The following EAF2 variants were observed in gnomAD, a reference collection of about 807,000 sequenced individuals.
EAF2 encodes ELL associated factor 2, also known as ELL-associated factor 2.
In EAF2, 29 loss-of-function variants were observed where a neutral mutation model predicts 29.4. That is an observed-to-expected ratio of 0.99 (90% confidence interval 0.73 to 1.35). EAF2 has a LOEUF of 1.35. Ranked by LOEUF, EAF2 falls within the 40% of genes most tolerant of loss-of-function variation. The pLI, the probability that EAF2 is intolerant of heterozygous loss-of-function variation, is 0.00. For synonymous variants in EAF2, 103 were observed against 102.5 expected, an observed-to-expected ratio of 1.00 and a Z score of -0.03; for missense variants, 292 against 312.0, an observed-to-expected ratio of 0.94 and a Z score of 0.48.
At chr3:121,879,044 T>C (rs1387325344) in intron 5 of EAF2, among the ~76,000 whole-genome samples, 1 of 152,200 alleles carries the variant, frequency 6.6e-6, no homozygotes, top group Non-Finnish European at 1.5e-5. Flanking sequence ...ATTTTTGTCT[T>C]TTCAATAATA....
At chr3:121,850,883 T>C (rs1708620689) in intron 2 of EAF2, among the ~76,000 whole-genome samples, 1 of 151,796 alleles carries the variant, frequency 6.6e-6, no homozygotes, top group Admixed American at 6.6e-5. Context: ...GCATTTTTAG[T>C]AGAGTTGGGG....
intron 4 of EAF2, among the ~76,000 whole-genome samples, chr3:121,871,292 AG>A (rs145392808): frequency 2.1e-3 from 325 of 151,236 alleles, no homozygotes; most frequent in African/African-American, 7.5e-3. Context: ...GTACATGCTG[AG>A]TGAATCTATT....
At chr3:121,878,057 A>G (rs1187929694) in intron 5 of EAF2, among the ~76,000 whole-genome samples, 2 of 152,196 alleles carry the variant, frequency 1.3e-5, no homozygotes, top group Non-Finnish European at 2.9e-5. Flanking sequence ...TAAAGCAGAG[A>G]AAGAAAATAA....
chr3:121,840,517 A>C (rs1476411081), intron 1 of EAF2, among the ~76,000 whole-genome samples: 4 of 126,274 alleles, frequency 3.2e-5, no homozygotes, highest in African/African-American at 1.2e-4. Context: ...AAGAAAAAAA[A>C]AAAACGGGCC....
intron 3 of EAF2, among the ~76,000 whole-genome samples, chr3:121,856,185 T>G (rs574552690): frequency 8.5e-5 from 13 of 152,268 alleles, no homozygotes; most frequent in African/African-American, 3.1e-4. Context: ...GAATGGAAAC[T>G]TTAGAAGTGA....
chr3:121,838,447 G>A (rs906919040), intron 1 of EAF2, among the ~76,000 whole-genome samples: 10 of 152,088 alleles, frequency 6.6e-5, no homozygotes, highest in East Asian at 3.8e-4. Flanking sequence ...CTTGAAACTC[G>A]GAAGTTATAT....
intron 4 of EAF2, among the ~76,000 whole-genome samples, chr3:121,866,288 G>A (rs760149113): frequency 1.1e-4 from 16 of 152,118 alleles, no homozygotes; most frequent in Non-Finnish European, 1.8e-4. Flanking sequence ...AAACGAGATT[G>A]TCATTTAAAC....
At chr3:121,868,001 AG>A (rs1214880714) in intron 4 of EAF2, among the ~76,000 whole-genome samples, 1 of 152,230 alleles carries the variant, frequency 6.6e-6, no homozygotes, top group African/African-American at 2.4e-5. Flanking sequence ...ACCCACAGAA[AG>A]GCAAGACAAG....
intron 2 of EAF2, among the ~76,000 whole-genome samples, chr3:121,852,097 A>G (rs541251888): frequency 6.6e-6 from 1 of 152,332 alleles, no homozygotes; most frequent in South Asian, 2.1e-4. Flanking sequence ...TATTATTCAT[A>G]TTTAACCTTC....
rs968732334 is a variant in EAF2 at position 121,853,109 on chromosome 3, AT to A, written c.202-1571del. Among the ~76,000 whole-genome samples the A allele has an allele frequency of 2.6e-5, 4 of 152,116 alleles. No homozygotes were observed. In the East Asian group the frequency reaches 5.8e-4, roughly 22 times the overall value. ...TTATTTTTTAATCTAATGTCTTACC[AT>A]TTTTTTCCTTGGCATATTTTATAGC... On this transcript the variant is annotated intron_variant, in intron 2 of 5. Transcript: ENST00000273668.
intron 1 of EAF2, chr3:121,836,669 G>A (rs1708296869): frequency 1.0e-6 from 1 of 987,800 alleles, no homozygotes; most frequent in Non-Finnish European, 1.2e-6. Context: ...AGATGGTGCT[G>A]TGCTGGCTCT....
Position 121,872,637 on chromosome 3 carries a change from T to C in EAF2, c.585T>C (p.Ser195=), listed in dbSNP as rs199994792. 1 of 1,613,030 alleles carries C rather than the reference T, an allele frequency of 6.2e-7. No individual in the cohort carries two copies. Among genetic ancestry groups the C allele is most frequent in the Non-Finnish European group, 8.5e-7 (1 of 1,179,262 alleles). Reference sequence around the variant, plus strand: ...CTTCAAGTAGTGAGGATAGTTCTAGTGACTCAGAAGATGAAGATTGCAAAT... The same window carrying C: ...CTTCAAGTAGTGAGGATAGTTCTAGCGACTCAGAAGATGAAGATTGCAAAT... The part of the protein sequence containing the change: ...SSSSSSEDSS[S]DSEDEDCKSS... Residue 195 remains serine (S), a synonymous_variant, in exon 5 of 6, where the codon AGT becomes AGC. Transcript: ENST00000273668.
At chr3:121,837,549 G>C (rs947845534) in intron 1 of EAF2, 2 of 151,974 alleles carry the variant, frequency 1.3e-5, no homozygotes. Context: ...GTTTTCTTAT[G>C]GCTAAAAGAT....
At chr3:121,842,224 T>C (rs1182342379) in intron 1 of EAF2, among the ~76,000 whole-genome samples, 1 of 151,990 alleles carries the variant, frequency 6.6e-6, no homozygotes, top group Non-Finnish European at 1.5e-5. Context: ...ATCAACAAAG[T>C]CCACTAGTAT....
intron 2 of EAF2, among the ~76,000 whole-genome samples, chr3:121,854,211 G>A (rs1325070420): frequency 6.6e-6 from 1 of 151,454 alleles, no homozygotes; most frequent in Non-Finnish European, 1.5e-5. Flanking sequence ...AACTGCTCTG[G>A]AGGCTGAGGC....
At chr3:121,859,239 G>T (rs1708780481) in intron 4 of EAF2, among the ~76,000 whole-genome samples, 1 of 152,132 alleles carries the variant, frequency 6.6e-6, no homozygotes, top group Admixed American at 6.5e-5. Context: ...AGATGGCATT[G>T]AATCTATAAA....
intron 4 of EAF2, among the ~76,000 whole-genome samples, chr3:121,865,527 C>T (rs1444774602): frequency 6.6e-6 from 1 of 151,986 alleles, no homozygotes; most frequent in Non-Finnish European, 1.5e-5. Flanking sequence ...CATCTTTGAG[C>T]TATCTAGAAT....
At chr3:121,846,565 G>A (rs898364331) in intron 2 of EAF2, among the ~76,000 whole-genome samples, 6 of 152,022 alleles carry the variant, frequency 3.9e-5, no homozygotes, top group Non-Finnish European at 8.8e-5. Context: ...GAACCATTGC[G>A]CCATTCCACT....
chr3:121,848,891 C>CA (rs199867588), intron 2 of EAF2, among the ~76,000 whole-genome samples: 29 of 151,014 alleles, frequency 1.9e-4, no homozygotes, highest in Non-Finnish European at 1.8e-4. Context: ...CCCCCCCACA[C>CA]AAAAAAAAGA....
Sources: gnomAD v4.1 joint callset for allele counts (sites outside exome capture counted in the v4.1 genomes callset) on GRCh38, gnomAD v4.1.1 for gene constraint, MANE v1.5 for transcripts, NCBI Gene and HGNC (gene_info 2026-07-23, HGNC 2026-07-21) for gene names.